PYGL: variants seen among roughly 807,000 people sequenced by gnomAD.
PYGL encodes glycogen phosphorylase L, also known as glycogen phosphorylase, liver form.
A neutral mutation model predicts 100.1 loss-of-function variants in PYGL; 90 were observed. That is an observed-to-expected ratio of 0.90 (90% CI 0.76 to 1.07). PYGL has a LOEUF of 1.07. Among genes scored for constraint, PYGL ranks in the 50% least tolerant of loss-of-function variants. PYGL has a pLI of 0.00. For synonymous variants in PYGL, 373 were observed against 393.0 expected (o/e 0.95, Z 0.60); for missense variants, 1,016 against 1,057.6 (o/e 0.96, Z 0.55).
chr14:50,935,050 G>C, intron 3 of PYGL, 57 bp downstream of exon 3: 2 of 1,467,522 alleles, frequency 1.4e-6, no homozygotes, highest in Non-Finnish European at 1.9e-6. Context: ...GTCATGCATG[G>C]CATCTGAGAT....
chr14:50,909,332 A>T (rs1478708956), intron 17 of PYGL, among the ~76,000 whole-genome samples: 1 of 152,202 alleles, frequency 6.6e-6, no homozygotes, highest in Non-Finnish European at 1.5e-5. Context: ...AGTTGTTGCT[A>T]CTGAGTGAAA....
intron 3 of PYGL, among the ~76,000 whole-genome samples, chr14:50,934,483 T>A (rs1000257515): frequency 6.6e-6 from 1 of 152,202 alleles, no homozygotes; most frequent in South Asian, 2.1e-4. Flanking sequence ...TGGATAGATC[T>A]CCAAACTAAA....
chr14:50,935,281 G>T, intron 2 of PYGL, 96 bp from the exon 3 acceptor site: 1 of 992,346 alleles, frequency 1.0e-6, no homozygotes, highest in Non-Finnish European at 1.6e-6. Flanking sequence ...AGGTATTCAG[G>T]TTTAGCTGTG....
At position 50,937,811 on chromosome 14, in the gene PYGL, A is replaced by G; in HGVS notation, c.270T>C (p.Phe90=). 6.2e-7 allele frequency: 1 copy of G among 1,613,978 alleles called. No individual in the cohort carries two copies. The highest frequency in any genetic ancestry group is 8.5e-7 in the Non-Finnish European group (1 of 1,179,848). The change falls in exon 2 of 20, where the codon TTT becomes TTC. Residue 90 remains phenylalanine, a synonymous_variant. Coordinates refer to ENST00000216392, the MANE Select transcript of PYGL (RefSeq NM_002863.5). ...PKRVYYLSLE[F]YMGRTLQNTM... is the part of the protein sequence containing the mutation. The stretch of plus-strand genomic sequence containing the variant: ...TGTTCTGTAATGTTCGGCCCATGTA[A>G]AATTCCAGAGAGAGGTAATATACCC...
In PYGL at chr14:50,912,036, C is replaced by A; in HGVS notation, c.1769G>T (p.Arg590Leu). The change falls in exon 15 of 20, where the codon CGC becomes CTC. Residue 590 changes from arginine to leucine, a missense_variant and splice_region_variant. Transcript: ENST00000216392. The stretch of plus-strand genomic sequence containing the variant: ...TAACTTCTTAGGGTCTTTCTTAATG[C>A]CTGAAAAAGATGGAGAAGTGGATGA... ...NCLHVITMYN[R>L]IKKDPKKLFV... The A allele has an allele frequency of 6.2e-7, 1 of 1,613,872 alleles. No individual in the cohort carries two copies. Among genetic ancestry groups the A allele is most frequent in the Non-Finnish European group, 8.5e-7 (1 of 1,179,772 alleles).
intron 3 of PYGL, among the ~76,000 whole-genome samples, chr14:50,934,451 T>G (rs2050633856): frequency 2.6e-5 from 4 of 152,166 alleles, no homozygotes. Flanking sequence ...AAGACACTAC[T>G]TTTGACCTAG....
chr14:50,927,816 C>A (rs2050566192), intron 4 of PYGL, among the ~76,000 whole-genome samples: 1 of 152,090 alleles, frequency 6.6e-6, no homozygotes, highest in African/African-American at 2.4e-5. Context: ...CTATCCCTTG[C>A]TGCCTCCACT....
intron 4 of PYGL, among the ~76,000 whole-genome samples, chr14:50,930,487 C>T (rs531768459): frequency 6.6e-6 from 1 of 152,274 alleles, no homozygotes; most frequent in South Asian, 2.1e-4. Flanking sequence ...TAAAGATAAA[C>T]AGCTCTGGTC....
At chr14:50,916,050 G>T in intron 9 of PYGL, 79 bp from the exon 10 acceptor site, 3 of 1,577,984 alleles carry the variant, frequency 1.9e-6, no homozygotes, top group Non-Finnish European at 1.7e-6. Flanking sequence ...CTTCAACCCT[G>T]CCCTGTCTGC....
At chr14:50,915,686 G>T (rs1436585933) in intron 10 of PYGL, 139 bp downstream of exon 10, 10 of 1,420,756 alleles carry the variant, frequency 7.0e-6, no homozygotes, top group Admixed American at 2.0e-5. Context: ...AGCTGCCTTT[G>T]TTGGAGCCCC....
rs777794623 is a variant in PYGL, at chr14:50,911,989, T to C, written c.1816A>G (p.Ile606Val). The C allele has an allele frequency of 6.2e-7, 1 of 1,613,730 alleles. No homozygotes were observed. The highest frequency in any genetic ancestry group is 2.2e-5 in the East Asian group (1 of 44,880). ...KKLFVPRTVI[I>V]GGKAAPGYHM... ...TAGATTCAACTTACTTTACCACCAA[T>C]GATAACTGTCCTTGGCACGAATAAC... The change falls in exon 15 of 20, where the codon ATT (isoleucine) becomes GTT (valine). Residue 606 changes from isoleucine to valine, a missense_variant. Coordinates refer to ENST00000216392, the MANE Select transcript of PYGL (RefSeq NM_002863.5).
chr14:50,940,882 C>T lies in PYGL; in HGVS notation c.244-3045G>A, dbSNP rs112534954. ...ACTTCCGGGAAGACCTCTGGAACAC[C>T]TGTCAATAAACCTGAGACTTGCAGG... On this transcript the variant is annotated intron_variant, in intron 1 of 19. Transcript: ENST00000216392. Among the ~76,000 whole-genome samples the T allele has an allele frequency of 4.2e-3, 645 of 152,276 alleles. 7 individuals carry two copies. Among genetic ancestry groups the T allele is most frequent in the African/African-American group, 0.015 (608 of 41,556 alleles).
intron 5 of PYGL, 115 bp from the exon 6 acceptor site, chr14:50,921,182 A>T: frequency 1.2e-6 from 1 of 823,018 alleles, no homozygotes; most frequent in Non-Finnish European, 2.0e-6. Flanking sequence ...TACCAACTTA[A>T]ATTGTGTGAG....
At chr14:50,912,826 C>A (rs1243032546) in intron 13 of PYGL, among the ~76,000 whole-genome samples, 2 of 152,260 alleles carry the variant, frequency 1.3e-5, no homozygotes, top group Admixed American at 1.3e-4. Context: ...TGGTGGCGGG[C>A]GCCTGTCATC....
At position 50,915,343 on chromosome 14, in the gene PYGL, T is replaced by C. The variant is rs2050436450; in HGVS notation, c.1396A>G (p.Thr466Ala). ...AGAGTAATGGAGGCTCACACTTTAG[T>C]CTTCACGATGTCTGAGTGGATTTTA... The part of the protein sequence containing the change: ...VAKIHSDIVK[T>A]KVFKDFSELE... The change falls in exon 11 of 20, where the codon ACT (threonine) becomes GCT (alanine). Residue 466 changes from threonine (T) to alanine (A), a missense_variant. Coordinates refer to ENST00000216392, the MANE Select transcript of PYGL (RefSeq NM_002863.5). 2.5e-6 allele frequency: 4 copies of C among 1,614,062 alleles called. No individual in the cohort carries two copies. The highest frequency in any genetic ancestry group is 3.4e-6 in the Non-Finnish European group (4 of 1,180,012).
In PYGL at chr14:50,908,886, G is replaced by A; in HGVS notation, c.2247C>T (p.Gly749=). 1 of 1,580,662 alleles carries A rather than the reference G, an allele frequency of 6.3e-7. No homozygotes were observed. Among genetic ancestry groups the A allele is most frequent in the South Asian group, 1.1e-5 (1 of 90,406 alleles). ...LKLVIDQIDN[G]FFSPKQPDLF... is the part of the protein sequence containing the mutation. Reference sequence around the variant, plus strand: ...GGTCAGGCTGCTTGGGAGAAAAAAAGCCATTGTCAATTTGATCAATGACCA... The same window carrying A: ...GGTCAGGCTGCTTGGGAGAAAAAAAACCATTGTCAATTTGATCAATGACCA... The change falls in exon 18 of 20, where the codon GGC becomes GGT. Residue 749 remains glycine (G), a synonymous_variant. Coordinates refer to ENST00000216392, the MANE Select transcript of PYGL (RefSeq NM_002863.5).
chr14:50,916,850 C>T (rs2050456440), intron 8 of PYGL, 112 bp downstream of exon 8: 3 of 1,546,534 alleles, frequency 1.9e-6, no homozygotes, highest in Non-Finnish European at 2.7e-6. Flanking sequence ...AGACTTGATG[C>T]ACACTATTCC....
At position 50,937,752 on chromosome 14, in the gene PYGL, T is replaced by C. The variant is rs774026070; in HGVS notation, c.329A>G (p.Asp110Gly). 6.2e-7 allele frequency: 1 copy of C among 1,613,554 alleles called. No homozygotes were observed. The highest frequency in any genetic ancestry group is 1.3e-5 in the African/African-American group (1 of 74,928). ...MINLGLQNAC[D>G]EAIYQLGLDI... ...ACAATGTACCTGGTAAATGGCCTCA[T>C]CACAGGCATTTTGCAGACCGAGGTT... The change falls in exon 2 of 20, where the codon GAT becomes GGT. Residue 110 changes from aspartate to glycine, a missense_variant. By Grantham distance (94) the Asp-to-Gly change is moderately conservative. Coordinates refer to ENST00000216392, the MANE Select transcript of PYGL (RefSeq NM_002863.5).
chr14:50,915,782 A>G (rs760749379), intron 10 of PYGL, 43 bp downstream of exon 10: 4 of 1,596,930 alleles, frequency 2.5e-6, no homozygotes, highest in Non-Finnish European at 3.4e-6. Context: ...ACACCTTAAG[A>G]TCTTATGCTC....
Sources: gnomAD v4.1 joint callset for allele counts (sites outside exome capture counted in the v4.1 genomes callset) on GRCh38, gnomAD v4.1.1 for gene constraint, MANE v1.5 for transcripts, NCBI Gene and HGNC (gene_info 2026-07-23, HGNC 2026-07-21) for gene names.